Variants in DCC observed in about 807,000 individuals in gnomAD.
DCC encodes the protein DCC netrin 1 receptor, also known as netrin receptor DCC.
Under a neutral mutation model 172.5 loss-of-function variants are expected in DCC, and 58 were observed. The observed-to-expected ratio is 0.34, with a 90% CI of 0.27 to 0.42. The LOEUF is 0.42. DCC is among the 10% of genes least tolerant of loss of function. The pLI is 1.00. For missense variants in DCC, 1,740 were observed against 1,791.0 expected (o/e 0.97, Z 0.51); for synonymous variants, 709 against 644.5 (o/e 1.10, Z -1.52).
At chr18:53,309,214 T>A (rs2057236689) in intron 13 of DCC, among the ~76,000 whole-genome samples, 1 of 152,074 alleles carries the variant, frequency 6.6e-6, no homozygotes, top group Non-Finnish European at 1.5e-5. Context: ...ATTTTTTAAA[T>A]TTTTCGTAGA....
intron 15 of DCC, among the ~76,000 whole-genome samples, chr18:53,349,777 A>G (rs1326587031): frequency 6.6e-6 from 1 of 152,194 alleles, no homozygotes; most frequent in African/African-American, 2.4e-5. Flanking sequence ...GCAATGCAGG[A>G]AAGTCCTGCC....
chr18:53,497,361 A>C (rs1340310490), intron 26 of DCC, among the ~76,000 whole-genome samples: 5 of 152,240 alleles, frequency 3.3e-5, no homozygotes, highest in Admixed American at 1.3e-4. Context: ...CAATGCCTGC[A>C]ATCTAACATT....
intron 5 of DCC, among the ~76,000 whole-genome samples, chr18:52,960,414 A>C (rs1056447365): frequency 1.3e-5 from 2 of 152,094 alleles, no homozygotes; most frequent in Non-Finnish European, 2.9e-5. Flanking sequence ...TAATGTCTAC[A>C]TTTTTAATGT....
At chr18:52,760,406 T>C (rs2037142480) in intron 2 of DCC, among the ~76,000 whole-genome samples, 1 of 152,004 alleles carries the variant, frequency 6.6e-6, no homozygotes, top group Non-Finnish European at 1.5e-5. Context: ...GAGATTTGGG[T>C]GGGGACACAG....
At chr18:52,751,931 A>G (rs2037000804) in intron 1 of DCC, 123 bp from the exon 2 acceptor site, 3 of 787,380 alleles carry the variant, frequency 3.8e-6, no homozygotes, top group Non-Finnish European at 4.1e-6. Flanking sequence ...GTTTTTATTT[A>G]TTCTTGGACA....
chr18:53,500,242 G>A (rs1018137655), intron 27 of DCC, among the ~76,000 whole-genome samples: 2 of 151,928 alleles, frequency 1.3e-5, no homozygotes, highest in African/African-American at 4.8e-5. Flanking sequence ...GACAGAAGAA[G>A]GAGGAGAGGA....
intron 5 of DCC, among the ~76,000 whole-genome samples, chr18:53,029,061 T>C (rs983374911): frequency 4.0e-5 from 6 of 148,558 alleles, no homozygotes; most frequent in Non-Finnish European, 7.4e-5. Flanking sequence ...ATATGAGCCA[T>C]ATTTTGTCTT....
intron 1 of DCC, among the ~76,000 whole-genome samples, chr18:52,507,613 T>A (rs564592604): frequency 4.6e-5 from 7 of 152,330 alleles, no homozygotes; most frequent in Non-Finnish European, 1.0e-4. Context: ...GTTCCCAGCA[T>A]GAGCCACAAA....
At chr18:53,171,793 G>A (rs1330245183) in intron 8 of DCC, among the ~76,000 whole-genome samples, 12 of 151,380 alleles carry the variant, frequency 7.9e-5, no homozygotes, top group Non-Finnish European at 1.6e-4. Flanking sequence ...ATCACTAATC[G>A]TCAGAAATGC....
chr18:53,050,360 G>A (rs1017132811), intron 5 of DCC, among the ~76,000 whole-genome samples: 14 of 151,920 alleles, frequency 9.2e-5, no homozygotes, highest in Admixed American at 7.9e-4. Context: ...CTTATCCATC[G>A]TGGGCAATAT....
chr18:53,437,531 C>T (rs567961500), intron 22 of DCC, among the ~76,000 whole-genome samples: 8 of 134,596 alleles, frequency 5.9e-5, no homozygotes, highest in Admixed American at 2.5e-4. Context: ...TGCAGTGAGC[C>T]GAGATCACAC....
At chr18:53,233,067 C>T (rs1420173725) in intron 12 of DCC, among the ~76,000 whole-genome samples, 1 of 151,954 alleles carries the variant, frequency 6.6e-6, no homozygotes, top group African/African-American at 2.4e-5. Context: ...TTTATACTAT[C>T]ATCATTTATC....
intron 2 of DCC, among the ~76,000 whole-genome samples, chr18:52,858,215 G>C (rs1203477125): frequency 6.6e-6 from 1 of 152,194 alleles, no homozygotes; most frequent in African/African-American, 2.4e-5. Flanking sequence ...CCATTTTACA[G>C]ATGGAGAAAT....
chr18:53,095,427 CTA>C (rs1468789680), intron 7 of DCC, among the ~76,000 whole-genome samples: 8 of 152,300 alleles, frequency 5.3e-5, no homozygotes, highest in African/African-American at 1.9e-4. Context: ...TGAAACAAAA[CTA>C]TATTAGCATC....
intron 5 of DCC, among the ~76,000 whole-genome samples, chr18:53,049,285 A>G (rs1397176008): frequency 6.6e-6 from 1 of 152,034 alleles, no homozygotes; most frequent in Non-Finnish European, 1.5e-5. Flanking sequence ...GGTATTTCCT[A>G]GCCTATCTTC....
chr18:52,918,470 C>G (rs1034390614), intron 3 of DCC, among the ~76,000 whole-genome samples: 2 of 152,090 alleles, frequency 1.3e-5, no homozygotes, highest in Admixed American at 6.6e-5. Flanking sequence ...TAAATATGTG[C>G]CTCGAATGTT....
intron 15 of DCC, among the ~76,000 whole-genome samples, chr18:53,358,040 G>T (rs909054496): frequency 9.2e-5 from 14 of 152,070 alleles, no homozygotes; most frequent in Non-Finnish European, 1.9e-4. Flanking sequence ...TCTCAAATTT[G>T]ATTGTAAATG....
At chr18:52,686,811 C>G (rs1298941776) in intron 1 of DCC, among the ~76,000 whole-genome samples, 1 of 152,006 alleles carries the variant, frequency 6.6e-6, no homozygotes, top group Non-Finnish European at 1.5e-5. Context: ...AACAGGAATC[C>G]TCCTCACTGA....
chr18:52,662,619 AAGAAAG>A (rs1052153983), intron 1 of DCC, among the ~76,000 whole-genome samples: 1 of 150,494 alleles, frequency 6.6e-6, no homozygotes, highest in Non-Finnish European at 1.5e-5. Context: ...GAGAGAAAGA[AAGAAAG>A]AGAAAGAAGC....
Sources: gnomAD v4.1 joint callset for allele counts (sites outside exome capture counted in the v4.1 genomes callset) on GRCh38, gnomAD v4.1.1 for gene constraint, MANE v1.5 for transcripts, NCBI Gene and HGNC (gene_info 2026-07-23, HGNC 2026-07-21) for gene names.